ATP6V1E1: variants seen among roughly 807,000 people sequenced by gnomAD.
The protein encoded by ATP6V1E1 is ATPase H+ transporting V1 subunit E1.
ATP6V1E1 carries 21 observed loss-of-function variants against 35.2 expected under a neutral mutation model. That is an observed-to-expected ratio of 0.60 (90% CI 0.42 to 0.86). ATP6V1E1 has a LOEUF of 0.86. ATP6V1E1 is among the 40% of genes least tolerant of loss of function. The probability of loss-of-function intolerance (pLI) is 0.00; values close to 1 mark genes in which losing one functional copy is unlikely to be tolerated. For missense variants in ATP6V1E1, 183 were observed against 272.6 expected, an observed-to-expected ratio of 0.67 and a Z score of 2.32; for synonymous variants, 83 against 87.8, an observed-to-expected ratio of 0.95 and a Z score of 0.30.
At position 17,624,810 on chromosome 22, in the gene ATP6V1E1, G is replaced by A. The variant is rs572806181; in HGVS notation, c.33+3793C>T. 1.7e-3 allele frequency among the ~76,000 whole-genome samples: 252 copies of A among 151,506 alleles called. 1 individual carries two copies. The highest frequency in any genetic ancestry group is 2.8e-3 in the Non-Finnish European group (188 of 67,880). ...CACTCCAGCCTAGGCGACAAAGCAA[G>A]ACTCCATCTCAAAAAAAAAAAATCA... On this transcript the variant is annotated intron_variant, in intron 1 of 8. Coordinates refer to ENST00000253413, the MANE Select transcript of ATP6V1E1 (RefSeq NM_001696.4).
chr22:17,628,752 C>T (rs75779762), upstream of ATP6V1E1: 1,311 of 1,422,026 alleles, frequency 9.2e-4, 11 homozygotes, highest in African/African-American at 0.016. Flanking sequence ...TACTTTATAA[C>T]CGCGGGTTCC....
chr22:17,601,565 G>A (rs5992754), intron 4 of ATP6V1E1, among the ~76,000 whole-genome samples: 1 of 152,094 alleles, frequency 6.6e-6, no homozygotes, highest in Middle Eastern at 3.4e-3. Context: ...ATCGAAATAC[G>A]AACAGTCTAC....
At position 17,592,703 on chromosome 22, in the gene ATP6V1E1, C is replaced by T. The variant is rs758154929; in HGVS notation, c.652G>A (p.Ala218Thr). The T allele has an allele frequency of 6.2e-7, 1 of 1,613,976 alleles. No individual in the cohort carries two copies. Among genetic ancestry groups the T allele is most frequent in the Admixed American group, 1.7e-5 (1 of 59,994 alleles). Residue 218 changes from alanine to threonine, a missense_variant, in exon 9 of 9, where the codon GCA becomes ACA. Coordinates refer to ENST00000253413, the MANE Select transcript of ATP6V1E1 (RefSeq NM_001696.4). The part of the protein sequence containing the change: ...MPEVRGALFG[A>T]NANRKFLD ...TCCAAAAACTTCCTGTTGGCATTTG[C>T]ACCAAACAAGGCTCCCCGGACTTCT...
chr22:17,598,836 G>C (rs992553066), intron 6 of ATP6V1E1, among the ~76,000 whole-genome samples: 4 of 152,166 alleles, frequency 2.6e-5, no homozygotes, highest in Non-Finnish European at 5.9e-5. Context: ...ACAGACAAAC[G>C]GATAGAAAGC....
intron 4 of ATP6V1E1, among the ~76,000 whole-genome samples, chr22:17,608,619 G>T (rs1229875249): frequency 1.3e-5 from 2 of 151,982 alleles, no homozygotes; most frequent in Non-Finnish European, 2.9e-5. Context: ...GTACAGACAG[G>T]GTCTCCCTAT....
At chr22:17,615,621 C>T (rs560768775) in intron 2 of ATP6V1E1, among the ~76,000 whole-genome samples, 1 of 152,052 alleles carries the variant, frequency 6.6e-6, no homozygotes, top group South Asian at 2.1e-4. Context: ...CCAGCCTGGG[C>T]GATAGAGGTG....
intron 7 of ATP6V1E1, among the ~76,000 whole-genome samples, chr22:17,597,780 G>A (rs544369861): frequency 2.0e-5 from 3 of 152,146 alleles, no homozygotes; most frequent in South Asian, 4.1e-4. Flanking sequence ...ACAGGCGTGC[G>A]CCACCACGCT....
intron 5 of ATP6V1E1, among the ~76,000 whole-genome samples, chr22:17,600,299 G>C (rs1455692531): frequency 6.6e-6 from 1 of 152,074 alleles, no homozygotes. Context: ...AGCCTGGAAT[G>C]ATGGTATGTG....
At chr22:17,600,332 G>C (rs150084332) in intron 5 of ATP6V1E1, among the ~76,000 whole-genome samples, 2 of 152,222 alleles carry the variant, frequency 1.3e-5, no homozygotes, top group Admixed American at 6.5e-5. Context: ...GATTACTCAG[G>C]AGGCTGAGGC....
chr22:17,619,634 C>G lies in ATP6V1E1; in HGVS notation c.34-108G>C, dbSNP rs757360247. 5.5e-5 allele frequency: 52 copies of G among 941,752 alleles called. 1 individual carries two copies. In the Middle Eastern group the frequency reaches 1.4e-3, roughly 25 times the overall value. 58.3% of individuals were successfully genotyped at this position (941,752 alleles called of 1,614,324 possible). A position where few individuals can be genotyped will look rare whatever the true frequency, so the allele number is the denominator to read the frequency against. ...GGTGCAGTGGCTCACGCCCGTAATC[C>G]TACCACTCTGGGGGGCCAAGGAGGG... On this transcript the variant is annotated intron_variant, in intron 1 of 8. Transcript: ENST00000253413.
At chr22:17,600,205 C>T (rs1050330435) in intron 5 of ATP6V1E1, 110 bp from the exon 6 acceptor site, 5 of 938,036 alleles carry the variant, frequency 5.3e-6, no homozygotes, top group Non-Finnish European at 6.6e-6. Context: ...AAGGCCAAGG[C>T]GGGCGGATTG....
chr22:17,593,347 T>C (rs1462239296), intron 8 of ATP6V1E1, among the ~76,000 whole-genome samples: 1 of 151,822 alleles, frequency 6.6e-6, no homozygotes, highest in East Asian at 1.9e-4. Flanking sequence ...CTCACCACAA[T>C]ATGCTGGGTC....
At chr22:17,616,614 G>A (rs1376739543) in intron 2 of ATP6V1E1, among the ~76,000 whole-genome samples, 2 of 149,396 alleles carry the variant, frequency 1.3e-5, no homozygotes, top group East Asian at 4.0e-4. Flanking sequence ...GGGAGGCGGA[G>A]GTTGTGGTGA....
chr22:17,611,799 TCTCA>T (rs1318599611), intron 4 of ATP6V1E1, among the ~76,000 whole-genome samples: 1 of 152,220 alleles, frequency 6.6e-6, no homozygotes, highest in East Asian at 1.9e-4. Context: ...GCTACTCAGT[TCTCA>T]CTGCCACCAT....
chr22:17,617,964 C>T (rs2057855243), intron 2 of ATP6V1E1, among the ~76,000 whole-genome samples: 1 of 152,150 alleles, frequency 6.6e-6, no homozygotes, highest in African/African-American at 2.4e-5. Context: ...CACACACCAC[C>T]ATGCCCAGCT....
chr22:17,603,431 C>A (rs1371193368), intron 4 of ATP6V1E1, among the ~76,000 whole-genome samples: 1 of 151,834 alleles, frequency 6.6e-6, no homozygotes, highest in Non-Finnish European at 1.5e-5. Context: ...TGCAAGAATC[C>A]CTTGAGTCCA....
chr22:17,619,271 G>A (rs1327230842), intron 2 of ATP6V1E1, 190 bp downstream of exon 2: 11 of 591,190 alleles, frequency 1.9e-5, no homozygotes, highest in South Asian at 4.0e-5. Flanking sequence ...CAGCCTGGGC[G>A]ACAAGAGTGA....
At position 17,600,215 on chromosome 22, in the gene ATP6V1E1, G is replaced by A. The variant is rs192263197; in HGVS notation, c.367-120C>T. The stretch of plus-strand genomic sequence containing the variant: ...TTTGGAAGGCCAAGGCGGGCGGATT[G>A]CCTGAGCTCAGAAGTTCGAGACCAG... On this transcript the variant is annotated intron_variant, in intron 5 of 8. Transcript: ENST00000253413. 115 of 825,630 alleles carry A rather than the reference G, an allele frequency of 1.4e-4. No individual in the cohort carries two copies. The African/African-American group carries it at 1.9e-3, about 13-fold the overall frequency. The allele number at this position is 825,630 out of a possible 1,614,324, so 51.1% of individuals were successfully genotyped here.
At chr22:17,600,521 T>A (rs2057757150) in intron 5 of ATP6V1E1, among the ~76,000 whole-genome samples, 1 of 152,204 alleles carries the variant, frequency 6.6e-6, no homozygotes, top group Non-Finnish European at 1.5e-5. Context: ...AAATTTCCCC[T>A]GGTAAGTTCC....
Sources: gnomAD v4.1 joint callset for allele counts (sites outside exome capture counted in the v4.1 genomes callset) on GRCh38, gnomAD v4.1.1 for gene constraint, MANE v1.5 for transcripts, NCBI Gene and HGNC (gene_info 2026-07-23, HGNC 2026-07-21) for gene names.